Variants in SALL4 observed in about 807,000 individuals in gnomAD.
SALL4 encodes sal-like protein 4.
In SALL4, 4 loss-of-function variants were observed where a neutral mutation model predicts 60.8. The ratio of observed to expected loss-of-function variants is 0.07; its 90% CI spans 0.03 to 0.15. The LOEUF (loss-of-function observed/expected upper bound fraction) is 0.15. SALL4 is among the 10% of genes least tolerant of loss of function. The probability of loss-of-function intolerance (pLI) is 1.00; values close to 1 mark genes in which losing one functional copy is unlikely to be tolerated. For synonymous variants in SALL4, 580 were observed against 574.9 expected, an observed-to-expected ratio of 1.01 and a Z score of -0.13; for missense variants, 1,178 against 1,394.7, an observed-to-expected ratio of 0.84 and a Z score of 2.48.
chr20:51,783,157 C>T lies in SALL4; in HGVS notation c.*1108G>A, dbSNP rs370552907. ...AAACCCAGTTCTTCAATAGAGTAGG[C>T]ACTGGCAAACTAAGTCACCTGAGAT... On this transcript the variant is annotated 3_prime_UTR_variant, in exon 4 of 4. Transcript: ENST00000217086. 2.0e-5 allele frequency: 3 copies of T among 152,114 alleles called. No homozygotes were observed. The highest frequency in any genetic ancestry group is 1.9e-4 in the East Asian group (1 of 5,192). 9.4% of individuals were successfully genotyped at this position (152,114 alleles called of 1,614,324 possible).
rs374815682 is a variant in SALL4, at chr20:51,791,520, C to T, written c.963G>A (p.Arg321=). ...APFTLKPDGT[R]VLPNVMSRLP... is the part of the protein sequence containing the mutation. ...GGCGGGACATGACGTTCGGGAGCAC[C>T]CGGGTCCCATCCGGCTTCAGAGTGA... Residue 321 remains arginine (R), a synonymous_variant, in exon 2 of 4, where the codon CGG becomes CGA. Transcript: ENST00000217086. The surrounding 1 kb of genome is among the most constrained non-coding windows in gnomAD (Gnocchi z 4.6). The T allele has an allele frequency of 6.2e-7, 1 of 1,613,990 alleles. No homozygotes were observed. The highest frequency in any genetic ancestry group is 1.3e-5 in the African/African-American group (1 of 75,050).
chr20:51,782,951 C>T lies in SALL4; in HGVS notation c.*1314G>A, dbSNP rs2077964582. 2 of 152,026 alleles carry T rather than the reference C, an allele frequency of 1.3e-5. No homozygotes were observed. The highest frequency in any genetic ancestry group is 2.4e-5 in the African/African-American group (1 of 41,398). 9.4% of individuals were successfully genotyped at this position (152,026 alleles called of 1,614,324 possible). On this transcript the variant is annotated 3_prime_UTR_variant, in exon 4 of 4. Transcript: ENST00000217086. ...GGTAGATAAATTAAAGCTTTCACAC[C>T]CAGGACGTGCCTGTTCTAACTTCGT... is the stretch of plus-strand genomic sequence containing the variant.
Position 51,791,906 on chromosome 20 carries a change from C to A in SALL4, c.577G>T (p.Val193Leu), listed in dbSNP as rs1284464988. Residue 193 changes from valine (V) to leucine (L), a missense_variant, in exon 2 of 4, where the codon GTG becomes TTG. Physicochemically the swap from Val to Leu is conservative, Grantham distance 32. Coordinates refer to ENST00000217086, the MANE Select transcript of SALL4 (RefSeq NM_020436.5). The surrounding 1 kb of genome is among the most constrained non-coding windows in gnomAD (Gnocchi z 4.6). ...LQALRGTKVA[V>L]NQRSADALPA... ...AGTGCATCCGCGCTCCGCTGATTCA[C>A]CGCCACCTTGGTGCCCCGTAGTGCC... 2 of 1,614,128 alleles carry A rather than the reference C, an allele frequency of 1.2e-6. No individual in the cohort carries two copies. Among genetic ancestry groups the A allele is most frequent in the Non-Finnish European group, 1.7e-6 (2 of 1,180,052 alleles).
Position 51,801,932 on chromosome 20 carries a change from A to C in SALL4, c.130+347T>G. Among the ~76,000 whole-genome samples the C allele has an allele frequency of 6.6e-6, 1 of 151,390 alleles. No homozygotes were observed. The highest frequency in any genetic ancestry group is 2.4e-5 in the African/African-American group (1 of 41,238). ...ACCTAAGTTACAAGGGGGGGGGGTA[A>C]CACCAGTGAGGGGAGTGGAACCAAT... is the stretch of plus-strand genomic sequence containing the variant. On this transcript the variant is annotated intron_variant, in intron 1 of 3. Coordinates refer to ENST00000217086, the MANE Select transcript of SALL4 (RefSeq NM_020436.5). This position sits in a 1 kb window ranked among gnomAD's most constrained non-coding sequence, Gnocchi z 5.2.
In SALL4 at chr20:51,788,814, C is replaced by T. The variant is rs1430404736; in HGVS notation, c.2742+47G>A. The stretch of plus-strand genomic sequence containing the variant: ...ATCACGGCTTGTGCCAATAAGAAGA[C>T]ACCTGGTGCCTAGCCCCCATCCTGC... On this transcript the variant is annotated intron_variant, in intron 3 of 3. Coordinates refer to ENST00000217086, the MANE Select transcript of SALL4 (RefSeq NM_020436.5). This position sits in a 1 kb window ranked among gnomAD's most constrained non-coding sequence, Gnocchi z 4.1. The T allele has an allele frequency of 5.6e-6, 9 of 1,608,972 alleles. No individual in the cohort carries two copies. Among genetic ancestry groups the T allele is most frequent in the Admixed American group, 3.3e-5 (2 of 59,988 alleles).
Position 51,788,935 on chromosome 20 carries a change from G to T in SALL4, c.2668C>A (p.Arg890=). 10 of 1,614,220 alleles carry T rather than the reference G, an allele frequency of 6.2e-6. No individual in the cohort carries two copies. The highest frequency in any genetic ancestry group is 8.5e-6 in the Non-Finnish European group (10 of 1,180,040). The part of the protein sequence containing the change: ...SSASALQIHE[R]THTGEKPFVC... ...AAAGGCTTCTCTCCAGTGTGAGTCCGCTCGTGGATCTGAAGAGCGCTAGCA... is the reference window on the plus strand; with the variant it reads ...AAAGGCTTCTCTCCAGTGTGAGTCCTCTCGTGGATCTGAAGAGCGCTAGCA... Residue 890 remains arginine (R), a synonymous_variant, in exon 3 of 4, where the codon CGG becomes AGG. Coordinates refer to ENST00000217086, the MANE Select transcript of SALL4 (RefSeq NM_020436.5). The surrounding 1 kb of genome is among the most constrained non-coding windows in gnomAD (Gnocchi z 4.1).
chr20:51,789,696 TG>T (rs1381992158), intron 2 of SALL4, among the ~76,000 whole-genome samples: 1 of 151,970 alleles, frequency 6.6e-6, no homozygotes, highest in Non-Finnish European at 1.5e-5. Flanking sequence ...AATCATAGTG[TG>T]GAGAAACAAA....
rs1200678206 is a variant in SALL4, at chr20:51,790,076, G to A, written c.2407C>T (p.Pro803Ser). 1.9e-6 allele frequency: 3 copies of A among 1,614,060 alleles called. No homozygotes were observed. Among genetic ancestry groups the A allele is most frequent in the African/African-American group, 2.7e-5 (2 of 74,928 alleles). Residue 803 changes from proline to serine, a missense_variant, in exon 2 of 4, where the codon CCC becomes TCC. By Grantham distance (74) the Pro-to-Ser change is moderately conservative. Transcript: ENST00000217086. The surrounding 1 kb of genome is among the most constrained non-coding windows in gnomAD (Gnocchi z 5.5). ...CTCTCTGCTTTGCTCCCAGCATCGG[G>A]AGACTTTGACTTGATGCTTTCGGCT... ...SQAESIKSKSPDAGSKAESSE... is the reference protein window; with the variant it reads ...SQAESIKSKSSDAGSKAESSE...
At chr20:51,785,805 G>A (rs536496275) in intron 3 of SALL4, among the ~76,000 whole-genome samples, 5 of 151,704 alleles carry the variant, frequency 3.3e-5, no homozygotes, top group Non-Finnish European at 5.9e-5. Flanking sequence ...CACCATGCCC[G>A]GCTAATTTTT....
chr20:51,799,986 AAC>A (rs747974327), intron 1 of SALL4, among the ~76,000 whole-genome samples: 63 of 152,284 alleles, frequency 4.1e-4, no homozygotes, highest in East Asian at 2.9e-3. Context: ...TTATATACCT[AAC>A]ACATATAATT....
chr20:51,792,167 T>A lies in SALL4; in HGVS notation c.316A>T (p.Ser106Cys), dbSNP rs746800243. ...KNPPVLIMND[S>C]EGPVPSEDFS... ...TCTTCTGAAGGCACAGGCCCCTCGC[T>A]GTCATTCATGATGAGGACAGGTGGA... is the stretch of plus-strand genomic sequence containing the variant. Residue 106 changes from serine (S) to cysteine (C), a missense_variant, in exon 2 of 4, where the codon AGC (serine) becomes TGC (cysteine). Ser to Cys is a moderately radical substitution (Grantham distance 112). This residue lies in a region of SALL4 where 853 missense variants were observed against 1,036.8 expected (regional missense o/e 0.82). Transcript: ENST00000217086. The A allele has an allele frequency of 1.9e-6, 3 of 1,614,114 alleles. No homozygotes were observed. The highest frequency in any genetic ancestry group is 1.7e-6 in the Non-Finnish European group (2 of 1,180,050).
chr20:51,800,126 C>G lies in SALL4; in HGVS notation c.130+2153G>C, dbSNP rs538674092. Among the ~76,000 whole-genome samples, 14 of 152,284 alleles carry G rather than the reference C, an allele frequency of 9.2e-5. No individual in the cohort carries two copies. In the East Asian group the frequency reaches 2.7e-3, roughly 29 times the overall value. ...ACATTCTAGCCGCCAGGAGTTATTA[C>G]CAAGAATTCCACACTTGGCAAAGAA... On this transcript the variant is annotated intron_variant, in intron 1 of 3. Coordinates refer to ENST00000217086, the MANE Select transcript of SALL4 (RefSeq NM_020436.5).
At chr20:51,789,283 C>T in intron 2 of SALL4, 142 bp from the exon 3 acceptor site, 1 of 863,674 alleles carries the variant, frequency 1.2e-6, no homozygotes, top group Non-Finnish European at 1.7e-6. Context: ...ACACCTTCCC[C>T]TTTGAATTGT....
Position 51,784,105 on chromosome 20 carries a change from AT to A in SALL4, c.*159del. 1 of 782,656 alleles carries A rather than the reference AT, an allele frequency of 1.3e-6. No homozygotes were observed. Among genetic ancestry groups the A allele is most frequent in the Non-Finnish European group, 2.1e-6 (1 of 480,252 alleles). The allele number at this position is 782,656 out of a possible 1,614,324, so 48.5% of individuals were successfully genotyped here. On this transcript the variant is annotated 3_prime_UTR_variant, in exon 4 of 4. Coordinates refer to ENST00000217086, the MANE Select transcript of SALL4 (RefSeq NM_020436.5). ...GCAAAGCAGCATAGCAACAATCGTGATTGTAGCACTTGCCTGAGGTTGTGGT... is the reference window on the plus strand; with the variant it reads ...GCAAAGCAGCATAGCAACAATCGTGATGTAGCACTTGCCTGAGGTTGTGGT...
intron 3 of SALL4, among the ~76,000 whole-genome samples, chr20:51,786,887 G>A (rs1268105867): frequency 6.6e-6 from 1 of 152,072 alleles, no homozygotes; most frequent in Admixed American, 6.5e-5. Context: ...CTGAGGTCAG[G>A]AGTTTGAGAC....
chr20:51,790,074 G>A lies in SALL4; in HGVS notation c.2409C>T (p.Pro803=), dbSNP rs753647133. 1.1e-5 allele frequency: 18 copies of A among 1,614,038 alleles called. No homozygotes were observed. The highest frequency in any genetic ancestry group is 5.0e-5 in the Admixed American group (3 of 59,992). Residue 803 remains proline (P), a synonymous_variant, in exon 2 of 4, where the codon CCC becomes CCT. Coordinates refer to ENST00000217086, the MANE Select transcript of SALL4 (RefSeq NM_020436.5). The surrounding 1 kb of genome is among the most constrained non-coding windows in gnomAD (Gnocchi z 5.5). ...AGCTCTCTGCTTTGCTCCCAGCATCGGGAGACTTTGACTTGATGCTTTCGG... is the reference window on the plus strand; with the variant it reads ...AGCTCTCTGCTTTGCTCCCAGCATCAGGAGACTTTGACTTGATGCTTTCGG... ...SQAESIKSKS[P]DAGSKAESSE... is the part of the protein sequence containing the mutation.
In SALL4 at chr20:51,801,597, GA is replaced by G; in HGVS notation, c.130+681del. ...ATCGGCAGGCGGCGCAGCCCGGGCA[GA>G]AAAGGCGAAATCCAGAAAAGAAAAA... On this transcript the variant is annotated intron_variant, in intron 1 of 3. Coordinates refer to ENST00000217086, the MANE Select transcript of SALL4 (RefSeq NM_020436.5). The surrounding 1 kb of genome is among the most constrained non-coding windows in gnomAD (Gnocchi z 5.2). The G allele has an allele frequency of 6.5e-6, 1 of 152,758 alleles. No homozygotes were observed. The highest frequency in any genetic ancestry group is 1.5e-5 in the Non-Finnish European group (1 of 68,384). 9.5% of individuals were successfully genotyped at this position (152,758 alleles called of 1,614,324 possible).
intron 1 of SALL4, 40 bp downstream of exon 1, chr20:51,802,239 G>C: frequency 6.4e-7 from 1 of 1,558,114 alleles, no homozygotes. Context: ...GTACGTCCGG[G>C]AAGCTCCCCT....
At position 51,788,820 on chromosome 20, in the gene SALL4, G is replaced by A; in HGVS notation, c.2742+41C>T. 2 of 1,610,566 alleles carry A rather than the reference G, an allele frequency of 1.2e-6. No homozygotes were observed. Among genetic ancestry groups the A allele is most frequent in the South Asian group, 2.2e-5 (2 of 91,048 alleles). ...GCTTGTGCCAATAAGAAGACACCTG[G>A]TGCCTAGCCCCCATCCTGCTGAAAG... On this transcript the variant is annotated intron_variant, in intron 3 of 3. Coordinates refer to ENST00000217086, the MANE Select transcript of SALL4 (RefSeq NM_020436.5). The surrounding 1 kb of genome is among the most constrained non-coding windows in gnomAD (Gnocchi z 4.1).
Sources: gnomAD v4.1 joint callset for allele counts (sites outside exome capture counted in the v4.1 genomes callset) on GRCh38, gnomAD v4.1.1 for gene constraint, gnomAD v4.1.1 regional missense constraint, Gnocchi (gnomAD v3.1) non-coding constraint, MANE v1.5 for transcripts, NCBI Gene and HGNC (gene_info 2026-07-23, HGNC 2026-07-21) for gene names.